The following HMBOX1 variants were observed in gnomAD, a reference collection of about 807,000 sequenced individuals.
The protein encoded by HMBOX1 is homeobox-containing protein 1.
Under a neutral mutation model 54.5 loss-of-function variants are expected in HMBOX1, and 14 were observed. The observed-to-expected ratio is 0.26, with a 90% CI of 0.17 to 0.40. The LOEUF (loss-of-function observed/expected upper bound fraction) is 0.40. Among genes scored for constraint, HMBOX1 ranks in the 10% least tolerant of loss-of-function variants. The pLI is 1.00. For synonymous variants in HMBOX1, 160 were observed against 181.0 expected, an observed-to-expected ratio of 0.88 and a Z score of 0.93; for missense variants, 332 against 514.4, an observed-to-expected ratio of 0.65 and a Z score of 3.43.
intron 1 of HMBOX1, among the ~76,000 whole-genome samples, chr8:28,912,028 G>A (rs1815543345): frequency 6.6e-6 from 1 of 151,978 alleles, no homozygotes; most frequent in Non-Finnish European, 1.5e-5. Flanking sequence ...CACAATGCTG[G>A]GCCAAATCAT....
At position 29,014,126 on chromosome 8, in the gene HMBOX1, T is replaced by C. The variant is rs115152138; in HGVS notation, c.698-4634T>C. On this transcript the variant is annotated intron_variant, in intron 5 of 9. Coordinates refer to ENST00000287701, the MANE Select transcript of HMBOX1 (RefSeq NM_001135726.3). ...CTAACCCTGATCAGCAAGGACATTA[T>C]GATATATGTAAAGAGAACACTTACC... 2.4e-3 allele frequency among the ~76,000 whole-genome samples: 368 copies of C among 152,270 alleles called. 1 individual carries two copies. The highest frequency in any genetic ancestry group is 7.4e-3 in the African/African-American group (309 of 41,556).
chr8:28,894,426 G>A (rs1163960591), intron 1 of HMBOX1, among the ~76,000 whole-genome samples: 14 of 152,070 alleles, frequency 9.2e-5, no homozygotes, highest in Non-Finnish European at 1.8e-4. Flanking sequence ...ACCAGCACAT[G>A]TTGTCCACAT....
intron 1 of HMBOX1, among the ~76,000 whole-genome samples, chr8:28,939,594 G>A (rs1045957857): frequency 2.6e-5 from 4 of 151,280 alleles, no homozygotes; most frequent in South Asian, 4.2e-4. Context: ...TGCAATCTCC[G>A]CCCCCCCTGG....
chr8:28,897,069 C>G (rs1056423685), intron 1 of HMBOX1, among the ~76,000 whole-genome samples: 2 of 150,830 alleles, frequency 1.3e-5, no homozygotes, highest in African/African-American at 4.9e-5. Context: ...ACCGCAACTT[C>G]TGCCACCCAG....
intron 1 of HMBOX1, among the ~76,000 whole-genome samples, chr8:28,905,301 A>C (rs1305824542): frequency 6.6e-6 from 1 of 152,240 alleles, no homozygotes; most frequent in Non-Finnish European, 1.5e-5. Context: ...TAAATAAGCC[A>C]AAAGAAAAAC....
At chr8:28,930,229 C>A (rs1733969999) in intron 1 of HMBOX1, among the ~76,000 whole-genome samples, 1 of 152,102 alleles carries the variant, frequency 6.6e-6, no homozygotes, top group African/African-American at 2.4e-5. Flanking sequence ...ATTCTGCCAT[C>A]CTTCTCCTAG....
At chr8:28,916,748 C>G (rs1382425374) in intron 1 of HMBOX1, among the ~76,000 whole-genome samples, 1 of 151,956 alleles carries the variant, frequency 6.6e-6, no homozygotes. Flanking sequence ...TATGAGTCTT[C>G]CAACTTTTTT....
chr8:28,892,967 T>A lies in HMBOX1; in HGVS notation c.-58+2289T>A, dbSNP rs190367893. ...ATATTATAATAGTCATGGAGTTTTT[T>A]AAAAAATGTTTAATAATTATTTTAG... On this transcript the variant is annotated intron_variant, in intron 1 of 9. Transcript: ENST00000287701. 3.4e-3 allele frequency among the ~76,000 whole-genome samples: 524 copies of A among 152,296 alleles called. 3 individuals carry two copies. Among genetic ancestry groups the A allele is most frequent in the African/African-American group, 0.011 (478 of 41,572 alleles).
intron 4 of HMBOX1, among the ~76,000 whole-genome samples, chr8:28,982,664 C>T (rs578144010): frequency 3.3e-5 from 5 of 150,772 alleles, no homozygotes; most frequent in Admixed American, 1.3e-4. Flanking sequence ...CTTGCTCTGT[C>T]GCCCAAGCTA....
chr8:28,986,336 C>G (rs906814967), intron 4 of HMBOX1, among the ~76,000 whole-genome samples: 1 of 152,146 alleles, frequency 6.6e-6, no homozygotes, highest in Admixed American at 6.5e-5. Flanking sequence ...TTGGTTGCTT[C>G]CAAGTTTTGG....
At chr8:28,978,468 G>C (rs1284894419) in intron 3 of HMBOX1, among the ~76,000 whole-genome samples, 1 of 152,114 alleles carries the variant, frequency 6.6e-6, no homozygotes, top group Non-Finnish European at 1.5e-5. Flanking sequence ...TTGTGGCCAA[G>C]AGGCAAATTT....
chr8:28,994,805 T>G (rs1831548095), intron 4 of HMBOX1, among the ~76,000 whole-genome samples: 1 of 152,136 alleles, frequency 6.6e-6, no homozygotes, highest in South Asian at 2.1e-4. Flanking sequence ...GGGATAGCAG[T>G]GTGTAACTTA....
chr8:29,048,746 A>G (rs1805985179), intron 8 of HMBOX1: 1 of 511,930 alleles, frequency 2.0e-6, no homozygotes. Context: ...AGCAGCAGAG[A>G]CCCCAGAATG....
intron 1 of HMBOX1, among the ~76,000 whole-genome samples, chr8:28,946,938 A>G (rs1822579419): frequency 6.6e-6 from 1 of 152,210 alleles, no homozygotes; most frequent in South Asian, 2.1e-4. Flanking sequence ...TCTGAGGAAA[A>G]TAATTCAGGA....
intron 1 of HMBOX1, among the ~76,000 whole-genome samples, chr8:28,958,156 G>A (rs1824807346): frequency 6.6e-6 from 1 of 151,978 alleles, no homozygotes; most frequent in Non-Finnish European, 1.5e-5. Flanking sequence ...GAAAGATACC[G>A]AGGTTTTGCT....
intron 5 of HMBOX1, 106 bp downstream of exon 5, chr8:29,009,288 T>TTA (rs1833894735): frequency 9.2e-7 from 1 of 1,081,610 alleles, no homozygotes; most frequent in East Asian, 2.5e-5. Context: ...GTTTCATACT[T>TTA]TACTATGGTT....
intron 1 of HMBOX1, among the ~76,000 whole-genome samples, chr8:28,927,831 C>CAAAAAAAA (rs34952149): frequency 3.8e-5 from 2 of 52,746 alleles, no homozygotes; most frequent in Non-Finnish European, 6.5e-5. Context: ...AACTCAGTCT[C>CAAAAAAAA]AAAAAAAAAA....
chr8:28,891,136 G>C (rs903617480), intron 1 of HMBOX1: 3 of 152,916 alleles, frequency 2.0e-5, no homozygotes, highest in South Asian at 2.1e-4. Flanking sequence ...GCGAGTCCTC[G>C]CTCGCTCTGG....
intron 4 of HMBOX1, among the ~76,000 whole-genome samples, chr8:28,990,689 T>C (rs1422438419): frequency 2.6e-5 from 4 of 152,180 alleles, no homozygotes; most frequent in Non-Finnish European, 5.9e-5. Flanking sequence ...GGTGTCTTGC[T>C]CTGTCTCCCA....
Sources: allele counts gnomAD v4.1 joint callset (sites outside exome capture counted in the v4.1 genomes callset), GRCh38; gene constraint gnomAD v4.1.1; transcripts MANE v1.5; gene names NCBI Gene and HGNC (gene_info 2026-07-23, HGNC 2026-07-21).